LTBP2: variants seen among roughly 807,000 people sequenced by gnomAD.
LTBP2 encodes the protein latent transforming growth factor beta binding protein 2, also known as latent-transforming growth factor beta-binding protein 2.
A neutral mutation model predicts 210.6 loss-of-function variants in LTBP2; 103 were observed. The observed-to-expected ratio is 0.49, with a 90% CI of 0.42 to 0.58. LTBP2 has a LOEUF of 0.58. Ranked by LOEUF, LTBP2 falls within the 20% of genes least tolerant of loss-of-function variation. The probability of loss-of-function intolerance (pLI) is 0.00; values close to 1 mark genes in which losing one functional copy is unlikely to be tolerated. For missense variants in LTBP2, 2,313 were observed against 2,494.5 expected (o/e 0.93, Z 1.55); for synonymous variants, 1,007 against 1,015.0 (o/e 0.99, Z 0.15).
At chr14:74,501,944 T>A in intron 34 of LTBP2, 1 of 374,418 alleles carries the variant, frequency 2.7e-6, no homozygotes, top group South Asian at 2.6e-5. Context: ...GTGAGGTGTT[T>A]TGTTTAAACC....
rs904413497 is a variant in LTBP2, at chr14:74,611,750, T to G, written c.195A>C (p.Ala65=). 7.5e-6 allele frequency: 12 copies of G among 1,606,394 alleles called. No homozygotes were observed. In the African/African-American group the frequency reaches 1.5e-4, roughly 20 times the overall value. Residue 65 remains alanine (A), a synonymous_variant, in exon 1 of 36, where the codon GCA becomes GCC. Transcript: ENST00000261978. The stretch of plus-strand genomic sequence containing the variant: ...CCCGGAACAGACTGTACACCTTGGC[T>G]GCAGCCGCTGCCGGGTAGCTGCCCC... ...RPGGSYPAAA[A]AKVYSLFREQ... is the part of the protein sequence containing the mutation.
intron 3 of LTBP2, among the ~76,000 whole-genome samples, chr14:74,578,034 G>A (rs895983656): frequency 6.6e-6 from 1 of 151,954 alleles, no homozygotes; most frequent in African/African-American, 2.4e-5. Flanking sequence ...CAGAAGGCCC[G>A]CAGCAGCACA....
chr14:74,510,220 G>C lies in LTBP2; in HGVS notation c.3029-7C>G. On this transcript the variant is annotated splice_polypyrimidine_tract_variant and splice_region_variant and intron_variant, in intron 19 of 35. Coordinates refer to ENST00000261978, the MANE Select transcript of LTBP2 (RefSeq NM_000428.3). ...GTCAGACACTCATTCACATCTGTGG[G>C]AGAGAAGTCCAAGACGGTGGGCTGG... 1 of 1,613,352 alleles carries C rather than the reference G, an allele frequency of 6.2e-7. No individual in the cohort carries two copies. The highest frequency in any genetic ancestry group is 8.5e-7 in the Non-Finnish European group (1 of 1,179,982).
At chr14:74,551,811 T>C (rs866007897) in intron 6 of LTBP2, among the ~76,000 whole-genome samples, 3 of 152,212 alleles carry the variant, frequency 2.0e-5, no homozygotes, top group Non-Finnish European at 2.9e-5. Flanking sequence ...GCATTCTGTA[T>C]TTTTTTGGCA....
chr14:74,611,969 G>A lies in LTBP2; in HGVS notation c.-25C>T, dbSNP rs752902390. 2.2e-5 allele frequency: 34 copies of A among 1,541,058 alleles called. No individual in the cohort carries two copies. The African/African-American group carries it at 4.3e-4, about 19-fold the overall frequency. On this transcript the variant is annotated 5_prime_UTR_variant, in exon 1 of 36. Coordinates refer to ENST00000261978, the MANE Select transcript of LTBP2 (RefSeq NM_000428.3). ...TGGCGCGGGGCGGCTGGAGAGTGGT[G>A]CGCGCGGGCACCGCGAAGAGCTTTG...
Position 74,551,339 on chromosome 14 carries a change from G to T in LTBP2, c.1411C>A (p.Pro471Thr). ...PLSNQLASVN[P>T]SLVKVHIHHP... ...TGAATGTGCACCTTCACCAGGGAGG[G>T]GTTCACGGAGGCTGGGCACAGGGGC... The change falls in exon 7 of 36, where the codon CCC (proline) becomes ACC (threonine). Residue 471 changes from proline (P) to threonine (T), a missense_variant. Physicochemically the swap from Pro to Thr is conservative, Grantham distance 38. Around this residue, in one of 3 missense-constraint regions of LTBP2, gnomAD observed 1,867 missense variants for 1,976.9 expected, o/e 0.94. Coordinates refer to ENST00000261978, the MANE Select transcript of LTBP2 (RefSeq NM_000428.3). 2 of 1,572,336 alleles carry T rather than the reference G, an allele frequency of 1.3e-6. No individual in the cohort carries two copies. Among genetic ancestry groups the T allele is most frequent in the Non-Finnish European group, 1.7e-6 (2 of 1,157,412 alleles).
At chr14:74,517,058 G>A in intron 17 of LTBP2, 117 bp from the exon 18 acceptor site, 2 of 1,330,504 alleles carry the variant, frequency 1.5e-6, no homozygotes, top group African/African-American at 2.9e-5. Context: ...GCTGAGGCCT[G>A]GGCAGGGAAG....
Position 74,528,500 on chromosome 14 carries a change from C to T in LTBP2, c.2351G>A (p.Gly784Glu). Residue 784 changes from glycine to glutamate, a missense_variant, in exon 12 of 36, where the codon GGG (glycine) becomes GAG (glutamate). Transcript: ENST00000261978. ...TCAGATACCCTTGTCAGGGATGGTC[C>T]CGGCCTCAAGCCAGGTGTCCGTGAC... ...RVVTDTWLEAGTIPDKGDSQA... is the reference protein window; with the variant it reads ...RVVTDTWLEAETIPDKGDSQA... 1.2e-6 allele frequency: 2 copies of T among 1,611,972 alleles called. No individual in the cohort carries two copies. Among genetic ancestry groups the T allele is most frequent in the Non-Finnish European group, 1.7e-6 (2 of 1,180,024 alleles).
At position 74,525,108 on chromosome 14, in the gene LTBP2, G is replaced by A. The variant is rs1256885079; in HGVS notation, c.2530+16C>T. Reference sequence around the variant, plus strand: ...GGGCAGGGTGCAGGGAGCCCCAAAGGTCTGGCTGCAGCTACCTGGGGTGCT... The same window carrying A: ...GGGCAGGGTGCAGGGAGCCCCAAAGATCTGGCTGCAGCTACCTGGGGTGCT... On this transcript the variant is annotated intron_variant, in intron 15 of 35. Transcript: ENST00000261978. 2 of 1,305,666 alleles carry A rather than the reference G, an allele frequency of 1.5e-6. No individual in the cohort carries two copies. Among genetic ancestry groups the A allele is most frequent in the African/African-American group, 1.5e-5 (1 of 66,072 alleles). 80.9% of individuals were successfully genotyped at this position (1,305,666 alleles called of 1,614,324 possible).
intron 2 of LTBP2, among the ~76,000 whole-genome samples, chr14:74,590,765 A>G (rs1746516714): frequency 1.0e-4 from 2 of 19,786 alleles, no homozygotes; most frequent in African/African-American, 4.5e-4. Flanking sequence ...GTCATCACTT[A>G]CAAGTGGGAG....
intron 2 of LTBP2, among the ~76,000 whole-genome samples, chr14:74,601,519 T>A (rs868355748): frequency 1.3e-5 from 2 of 152,216 alleles, no homozygotes; most frequent in African/African-American, 4.8e-5. Context: ...GAAAGGGTGT[T>A]TAAGCAGATC....
At position 74,508,074 on chromosome 14, in the gene LTBP2, G is replaced by C; in HGVS notation, c.3674C>G (p.Thr1225Arg). 1 of 1,613,864 alleles carries C rather than the reference G, an allele frequency of 6.2e-7. No homozygotes were observed. The highest frequency in any genetic ancestry group is 8.5e-7 in the Non-Finnish European group (1 of 1,180,010). Reference sequence around the variant, plus strand: ...ACAGTGCCCTCCCACACACGGGTCTGTGGTGGCACACTCGTCCACATCTAG... The same window carrying C: ...ACAGTGCCCTCCCACACACGGGTCTCTGGTGGCACACTCGTCCACATCTAG... ...SCQDVDECAT[T>R]DPCVGGHCVN... is the part of the protein sequence containing the mutation. Residue 1225 changes from threonine (T) to arginine (R), a missense_variant, in exon 25 of 36, where the codon ACA becomes AGA. Transcript: ENST00000261978.
chr14:74,502,619 C>T, intron 34 of LTBP2, 34 bp downstream of exon 34: 1 of 1,613,944 alleles, frequency 6.2e-7, no homozygotes, highest in Non-Finnish European at 8.5e-7. Context: ...AGCTTTGGTG[C>T]CCACCTCTTC....
At chr14:74,584,099 G>C (rs1006357858) in intron 3 of LTBP2, among the ~76,000 whole-genome samples, 1 of 152,154 alleles carries the variant, frequency 6.6e-6, no homozygotes, top group Non-Finnish European at 1.5e-5. Flanking sequence ...CACTATGCAG[G>C]GGGGCTGTAG....
In LTBP2 at chr14:74,578,461, C is replaced by T. The variant is rs565788043; in HGVS notation, c.830+7393G>A. Among the ~76,000 whole-genome samples, 8 of 152,280 alleles carry T rather than the reference C, an allele frequency of 5.3e-5. No individual in the cohort carries two copies. In the South Asian group the frequency reaches 1.7e-3, roughly 32 times the overall value. On this transcript the variant is annotated intron_variant, in intron 3 of 35. Transcript: ENST00000261978. ...TTGTGAGGGCATCAGGATTTACATT[C>T]TGCCTAACACCAAATTTAACCCCCC...
intron 3 of LTBP2, among the ~76,000 whole-genome samples, chr14:74,585,431 C>G (rs746756907): frequency 6.6e-6 from 1 of 152,206 alleles, no homozygotes; most frequent in East Asian, 1.9e-4. Flanking sequence ...TTAATCTTTA[C>G]GACAATTCAT....
intron 2 of LTBP2, among the ~76,000 whole-genome samples, chr14:74,598,675 A>G (rs935604875): frequency 2.6e-5 from 4 of 152,166 alleles, no homozygotes; most frequent in Non-Finnish European, 5.9e-5. Context: ...TGTTGATCCC[A>G]GTTTACAGAA....
intron 14 of LTBP2, 34 bp from the exon 15 acceptor site, chr14:74,525,259 G>A (rs1021908866): frequency 6.5e-6 from 8 of 1,222,214 alleles, no homozygotes; most frequent in Non-Finnish European, 6.4e-6. Flanking sequence ...GTGGGGTTGT[G>A]GCCCCTTGGC....
At chr14:74,610,762 C>G (rs2088594348) in intron 1 of LTBP2, among the ~76,000 whole-genome samples, 1 of 152,204 alleles carries the variant, frequency 6.6e-6, no homozygotes, top group South Asian at 2.1e-4. Flanking sequence ...TGGCTTAGCC[C>G]TGCAACGCGC....
Sources: allele counts gnomAD v4.1 joint callset (sites outside exome capture counted in the v4.1 genomes callset), GRCh38; gene constraint gnomAD v4.1.1; regional missense constraint gnomAD v4.1.1; transcripts MANE v1.5; gene names NCBI Gene and HGNC (gene_info 2026-07-23, HGNC 2026-07-21).